The following NBEA variants were observed in gnomAD, a reference collection of about 807,000 sequenced individuals.
NBEA encodes the protein lysosomal-trafficking regulator 2.
NBEA carries 44 observed loss-of-function variants against 343.4 expected under a neutral mutation model. The observed-to-expected ratio is 0.13, with a 90% CI of 0.10 to 0.16. The LOEUF (loss-of-function observed/expected upper bound fraction) is 0.16. NBEA is among the 10% of genes least tolerant of loss of function. The probability of loss-of-function intolerance (pLI) is 1.00; values close to 1 mark genes in which losing one functional copy is unlikely to be tolerated. For synonymous variants in NBEA, 1,175 were observed against 1,238.7 expected (o/e 0.95, Z 1.08); for missense variants, 2,555 against 3,631.3 (o/e 0.70, Z 7.62).
intron 30 of NBEA, among the ~76,000 whole-genome samples, chr13:35,192,103 C>G (rs1017725315): frequency 6.6e-6 from 1 of 152,160 alleles, no homozygotes; most frequent in South Asian, 2.1e-4. Flanking sequence ...TTGCCTGTTG[C>G]TACAGAAACT....
intron 10 of NBEA, among the ~76,000 whole-genome samples, chr13:35,089,987 C>G (rs2152625409): frequency 6.7e-6 from 1 of 150,154 alleles, no homozygotes; most frequent in Admixed American, 6.7e-5. Context: ...GTGCAGCGCA[C>G]CAGAATGGCA....
chr13:35,426,258 T>C (rs1354708835), intron 38 of NBEA, among the ~76,000 whole-genome samples: 3 of 152,230 alleles, frequency 2.0e-5, no homozygotes, highest in East Asian at 1.9e-4. Flanking sequence ...TTCGTTACAA[T>C]TTGGCATGTT....
intron 1 of NBEA, among the ~76,000 whole-genome samples, chr13:35,033,820 A>G (rs1052444601): frequency 2.0e-5 from 3 of 151,870 alleles, no homozygotes; most frequent in African/African-American, 7.2e-5. Flanking sequence ...CTGTTGGCAT[A>G]TAGGAATGCT....
At chr13:35,637,741 G>T (rs1238911643) in intron 49 of NBEA, among the ~76,000 whole-genome samples, 1 of 151,914 alleles carries the variant, frequency 6.6e-6, no homozygotes, top group African/African-American at 2.4e-5. Flanking sequence ...AGAATCACTT[G>T]AACCCGGGAG....
chr13:35,146,498 A>G (rs1287607456), intron 18 of NBEA, among the ~76,000 whole-genome samples: 1 of 152,010 alleles, frequency 6.6e-6, no homozygotes, highest in Non-Finnish European at 1.5e-5. Context: ...CTCAGTTATA[A>G]CCATTATGGC....
intron 41 of NBEA, among the ~76,000 whole-genome samples, chr13:35,536,068 C>T (rs1172108684): frequency 6.6e-6 from 1 of 152,162 alleles, no homozygotes; most frequent in Non-Finnish European, 1.5e-5. Flanking sequence ...AATAAATTCT[C>T]ATGAACCCCA....
At chr13:35,073,095 C>A (rs573426848) in intron 10 of NBEA, among the ~76,000 whole-genome samples, 38 of 152,092 alleles carry the variant, frequency 2.5e-4, no homozygotes, top group African/African-American at 9.2e-4. Flanking sequence ...TTATAGGGAA[C>A]CATTATAGAA....
intron 41 of NBEA, among the ~76,000 whole-genome samples, chr13:35,482,152 A>G (rs919900372): frequency 6.6e-6 from 1 of 151,736 alleles, no homozygotes; most frequent in Admixed American, 6.6e-5. Context: ...TAATTCTTCT[A>G]AAGTAAGATT....
rs531642279 is a variant in NBEA, at chr13:35,122,623, G to T, written c.2244-859G>T. Among the ~76,000 whole-genome samples the T allele has an allele frequency of 1.6e-4, 24 of 151,942 alleles. No individual in the cohort carries two copies. The South Asian group carries it at 1.7e-3, about 11-fold the overall frequency. ...ATTAGGAGATATACCTAATGTAAAT[G>T]ATGAGTTAAGGGGTGCAGCACACCA... On this transcript the variant is annotated intron_variant, in intron 16 of 58. Transcript: ENST00000379939.
At chr13:35,446,376 C>T (rs1401014149) in intron 39 of NBEA, among the ~76,000 whole-genome samples, 2 of 152,066 alleles carry the variant, frequency 1.3e-5, no homozygotes, top group South Asian at 2.1e-4. Context: ...GTTCTAGATC[C>T]CTGAGGAATT....
chr13:34,996,670 T>A lies in NBEA; in HGVS notation c.295-44263T>A, dbSNP rs140167597. Among the ~76,000 whole-genome samples, 7 of 152,236 alleles carry A rather than the reference T, an allele frequency of 4.6e-5. No homozygotes were observed. The East Asian group carries it at 1.4e-3, about 29-fold the overall frequency. ...AATGAGGAAACATACTCCAAGATCA[T>A]GTGAATGGAAAAGGAAACATGGGAA... On this transcript the variant is annotated intron_variant, in intron 1 of 58. Transcript: ENST00000379939.
chr13:34,969,511 A>G (rs2059931717), intron 1 of NBEA, among the ~76,000 whole-genome samples: 1 of 152,002 alleles, frequency 6.6e-6, no homozygotes, highest in Admixed American at 6.6e-5. Flanking sequence ...TCACCTAGGT[A>G]TTAGCCTAGT....
chr13:35,552,505 A>G (rs2079377070), intron 43 of NBEA, among the ~76,000 whole-genome samples: 2 of 152,220 alleles, frequency 1.3e-5, no homozygotes, highest in Non-Finnish European at 2.9e-5. Flanking sequence ...AAATGAGGTT[A>G]GTTCTGCAAG....
chr13:34,964,077 AGTACTT>A (rs1271245025), intron 1 of NBEA, among the ~76,000 whole-genome samples: 1 of 152,016 alleles, frequency 6.6e-6, no homozygotes, highest in African/African-American at 2.4e-5. Flanking sequence ...AGACACAGGC[AGTACTT>A]GCTATGCTTA....
chr13:35,622,522 G>A (rs764846585), intron 48 of NBEA, among the ~76,000 whole-genome samples: 16 of 152,000 alleles, frequency 1.1e-4, no homozygotes, highest in Admixed American at 3.3e-4. Context: ...GTCAAGTACT[G>A]GAATAATTTA....
chr13:35,183,207 A>G (rs1193859723), intron 29 of NBEA, among the ~76,000 whole-genome samples: 1 of 151,964 alleles, frequency 6.6e-6, no homozygotes, highest in East Asian at 1.9e-4. Flanking sequence ...GGCAACTAAC[A>G]TTTTAATATT....
At chr13:35,498,709 A>G (rs928541048) in intron 41 of NBEA, among the ~76,000 whole-genome samples, 1 of 152,240 alleles carries the variant, frequency 6.6e-6, no homozygotes, top group Middle Eastern at 3.4e-3. Context: ...ATTTAAAAAT[A>G]ATAAAATCAT....
chr13:35,037,044 C>G (rs1374031301), intron 1 of NBEA, among the ~76,000 whole-genome samples: 1 of 152,038 alleles, frequency 6.6e-6, no homozygotes, highest in Non-Finnish European at 1.5e-5. Context: ...TAGATTTGCC[C>G]TTTTGAGGCT....
chr13:34,964,767 C>T (rs1382353762), intron 1 of NBEA, among the ~76,000 whole-genome samples: 5 of 152,036 alleles, frequency 3.3e-5, no homozygotes, highest in East Asian at 3.9e-4. Flanking sequence ...AGGGGGAGAA[C>T]GTTATCTATG....
Sources: gnomAD v4.1 joint callset for allele counts (sites outside exome capture counted in the v4.1 genomes callset) on GRCh38, gnomAD v4.1.1 for gene constraint, MANE v1.5 for transcripts, NCBI Gene and HGNC (gene_info 2026-07-23, HGNC 2026-07-21) for gene names.